Variants in ARID5B observed in about 807,000 individuals in gnomAD.
The protein encoded by ARID5B is AT-rich interactive domain-containing protein 5B.
ARID5B carries 13 observed loss-of-function variants against 97.2 expected under a neutral mutation model. The ratio of observed to expected loss-of-function variants is 0.13; its 90% confidence interval spans 0.09 to 0.21. The LOEUF (loss-of-function observed/expected upper bound fraction) is 0.21. ARID5B is among the 10% of genes least tolerant of loss of function. The probability of loss-of-function intolerance (pLI) is 1.00; values close to 1 mark genes in which losing one functional copy is unlikely to be tolerated. For synonymous variants in ARID5B, 556 were observed against 570.3 expected, an observed-to-expected ratio of 0.97 and a Z score of 0.36; for missense variants, 1,210 against 1,465.3, an observed-to-expected ratio of 0.83 and a Z score of 2.84.
chr10:62,060,099 A>G (rs1341988780), intron 7 of ARID5B, among the ~76,000 whole-genome samples: 1 of 152,232 alleles, frequency 6.6e-6, no homozygotes, highest in African/African-American at 2.4e-5. Context: ...TTGCAATTGA[A>G]TAAGAACTTA....
At chr10:62,057,033 G>C in intron 5 of ARID5B, 84 bp from the exon 6 acceptor site, 1 of 1,334,218 alleles carries the variant, frequency 7.5e-7, no homozygotes, top group Non-Finnish European at 1.0e-6. Context: ...ACTGAAAAGT[G>C]TTGCTGGCTC....
chr10:62,000,810 GTAGA>G lies in ARID5B; in HGVS notation c.733+494_733+497del, dbSNP rs929002039. ...TAGATAACCACTTTAGTACTGTACA[GTAGA>G]TAGACACGTAGAGAGATGATAGATA... is the stretch of plus-strand genomic sequence containing the variant. On this transcript the variant is annotated intron_variant, in intron 4 of 9. Transcript: ENST00000279873. The surrounding 1 kb of genome is among the most constrained non-coding windows in gnomAD (Gnocchi z 4.4). Among the ~76,000 whole-genome samples the G allele has an allele frequency of 4.0e-5, 6 of 151,022 alleles. No individual in the cohort carries two copies. The highest frequency in any genetic ancestry group is 3.3e-4 in the Admixed American group (5 of 15,098).
chr10:62,091,923 C>G lies in ARID5B; in HGVS notation c.2460C>G (p.Pro820=), dbSNP rs1840381414. ...KDKLLEKRAL[P]HSHMPSFLAD... is the part of the protein sequence containing the mutation. ...AACTCTTAGAGAAAAGGGCCCTCCCCCATTCCCACATGCCTAGCTTCCTGG... is the reference window on the plus strand; with the variant it reads ...AACTCTTAGAGAAAAGGGCCCTCCCGCATTCCCACATGCCTAGCTTCCTGG... Residue 820 remains proline (P), a synonymous_variant, in exon 10 of 10, where the codon CCC becomes CCG. Transcript: ENST00000279873. 1.2e-6 allele frequency: 2 copies of G among 1,613,796 alleles called. No homozygotes were observed. The highest frequency in any genetic ancestry group is 8.5e-7 in the Non-Finnish European group (1 of 1,179,940).
chr10:61,903,983 A>G (rs1269174204), intron 2 of ARID5B, among the ~76,000 whole-genome samples: 1 of 151,014 alleles, frequency 6.6e-6, no homozygotes, highest in Admixed American at 6.6e-5. Context: ...GTTTGGAAAT[A>G]CTGTGAAAAA....
intron 2 of ARID5B, among the ~76,000 whole-genome samples, chr10:61,913,641 A>T (rs1843846976): frequency 6.6e-6 from 1 of 152,222 alleles, no homozygotes; most frequent in South Asian, 2.1e-4. Context: ...TTGGTAGGTC[A>T]TTCCAGTGCC....
chr10:61,966,666 C>T (rs1838549927), intron 3 of ARID5B, among the ~76,000 whole-genome samples: 1 of 152,156 alleles, frequency 6.6e-6, no homozygotes, highest in Non-Finnish European at 1.5e-5. Flanking sequence ...TCTTATCCCA[C>T]ATGAAAGTCC....
At chr10:61,921,890 G>A (rs374124777) in intron 2 of ARID5B, among the ~76,000 whole-genome samples, 7 of 151,828 alleles carry the variant, frequency 4.6e-5, no homozygotes, top group African/African-American at 7.2e-5. Flanking sequence ...CACCTGGGTC[G>A]GAGTGCAGTA....
At chr10:62,004,699 C>A (rs1839124299) in intron 4 of ARID5B, among the ~76,000 whole-genome samples, 1 of 152,164 alleles carries the variant, frequency 6.6e-6, no homozygotes, top group Non-Finnish European at 1.5e-5. Context: ...CAAACACATA[C>A]AAACATTTTT....
intron 4 of ARID5B, among the ~76,000 whole-genome samples, chr10:62,034,358 T>C (rs1839534782): frequency 6.6e-6 from 1 of 152,208 alleles, no homozygotes; most frequent in South Asian, 2.1e-4. Flanking sequence ...TCAACATGAT[T>C]GCATCTCAGT....
intron 8 of ARID5B, among the ~76,000 whole-genome samples, chr10:62,072,854 T>C (rs1840082490): frequency 6.6e-6 from 1 of 152,228 alleles, no homozygotes; most frequent in African/African-American, 2.4e-5. Flanking sequence ...TCTAGATGTC[T>C]TCCTTTTAAT....
At chr10:61,967,084 A>G (rs940854422) in intron 3 of ARID5B, among the ~76,000 whole-genome samples, 6 of 152,068 alleles carry the variant, frequency 3.9e-5, no homozygotes, top group African/African-American at 1.4e-4. Context: ...TAGCATTAAT[A>G]CTATCTTTAG....
chr10:62,040,262 A>T (rs1489950039), intron 4 of ARID5B, among the ~76,000 whole-genome samples: 8 of 152,296 alleles, frequency 5.3e-5, no homozygotes, highest in South Asian at 4.1e-4. Context: ...AGTAGCCTTG[A>T]GTCAATGATT....
Position 62,092,595 on chromosome 10 carries a change from G to A in ARID5B, c.3132G>A (p.Glu1044=). 1 of 1,614,194 alleles carries A rather than the reference G, an allele frequency of 6.2e-7. No individual in the cohort carries two copies. The change falls in exon 10 of 10, where the codon GAG becomes GAA. Residue 1044 remains glutamate, a synonymous_variant. Coordinates refer to ENST00000279873, the MANE Select transcript of ARID5B (RefSeq NM_032199.3). The stretch of plus-strand genomic sequence containing the variant: ...CATCCAAGGAGGTCTCTGGGAAGGA[G>A]AAGGCCTCTGAGCAGGAGAGTGAAG... ...LDPSKEVSGK[E]KASEQESEGS... is the part of the protein sequence containing the mutation.
chr10:62,051,254 GT>G, intron 5 of ARID5B: 1 of 572,374 alleles, frequency 1.7e-6, no homozygotes, highest in Non-Finnish European at 3.1e-6. Context: ...CCTGTTATGA[GT>G]AAAGGACAGA....
intron 9 of ARID5B, among the ~76,000 whole-genome samples, chr10:62,087,298 C>CAAAAAAAAAAAAAAAAAAAAAAA (rs71299289): frequency 2.4e-5 from 1 of 40,930 alleles, no homozygotes; most frequent in East Asian, 7.9e-4. Context: ...GACTCTATCT[C>CAAAAAAAAAAAAAAAAAAAAAAA]AAAAAAAAAA....
At chr10:61,967,607 T>C (rs184973917) in intron 3 of ARID5B, among the ~76,000 whole-genome samples, 1 of 152,350 alleles carries the variant, frequency 6.6e-6, no homozygotes, top group African/African-American at 2.4e-5. Context: ...GTGGAGCTGG[T>C]TGATGGCTAA....
chr10:62,070,382 T>G (rs1033417421), intron 8 of ARID5B, among the ~76,000 whole-genome samples: 7 of 152,174 alleles, frequency 4.6e-5, no homozygotes, highest in Non-Finnish European at 1.0e-4. Flanking sequence ...CTATGTTGCA[T>G]CCACAGGAGT....
chr10:61,985,655 A>G (rs1044449229), intron 3 of ARID5B, among the ~76,000 whole-genome samples: 3 of 152,128 alleles, frequency 2.0e-5, no homozygotes. Flanking sequence ...AAAACATTAA[A>G]TTACATATAT....
At chr10:62,080,602 G>A (rs561560780) in intron 8 of ARID5B, among the ~76,000 whole-genome samples, 1 of 152,276 alleles carries the variant, frequency 6.6e-6, no homozygotes, top group South Asian at 2.1e-4. Flanking sequence ...CATATTTGGT[G>A]AAAGATTCCT....
Sources: gnomAD v4.1 joint callset for allele counts (sites outside exome capture counted in the v4.1 genomes callset) on GRCh38, gnomAD v4.1.1 for gene constraint, Gnocchi (gnomAD v3.1) non-coding constraint, MANE v1.5 for transcripts, NCBI Gene and HGNC (gene_info 2026-07-23, HGNC 2026-07-21) for gene names.